The following TBC1D12 variants were observed in gnomAD, a reference collection of about 807,000 sequenced individuals.
The protein encoded by TBC1D12 is TBC1 domain family member 12.
A neutral mutation model predicts 86.7 loss-of-function variants in TBC1D12; 56 were observed. The ratio of observed to expected loss-of-function variants is 0.65; its 90% confidence interval spans 0.52 to 0.81. TBC1D12 has a LOEUF of 0.81. Ranked by LOEUF, TBC1D12 falls within the 30% of genes least tolerant of loss-of-function variation. The pLI is 0.00. For synonymous variants in TBC1D12, 421 were observed against 411.7 expected (o/e 1.02, Z -0.27); for missense variants, 1,023 against 1,038.8 (o/e 0.98, Z 0.21).
chr10:94,457,877 A>G (rs1453541913), intron 2 of TBC1D12, among the ~76,000 whole-genome samples: 2 of 152,140 alleles, frequency 1.3e-5, no homozygotes, highest in East Asian at 1.9e-4. Context: ...TTCAGGCAAC[A>G]CTATACCTGA....
chr10:94,406,673 A>G (rs1430994540), intron 1 of TBC1D12, among the ~76,000 whole-genome samples: 2 of 152,174 alleles, frequency 1.3e-5, no homozygotes, highest in Non-Finnish European at 2.9e-5. Flanking sequence ...CTGTCTCACA[A>G]CACAACCCAA....
intron 1 of TBC1D12, among the ~76,000 whole-genome samples, chr10:94,438,547 A>G (rs1178212339): frequency 2.0e-5 from 3 of 152,090 alleles, no homozygotes; most frequent in Non-Finnish European, 4.4e-5. Context: ...CATGATCCCT[A>G]CTGTCCCTCC....
At chr10:94,532,955 CTATAGT>C in intron 12 of TBC1D12, 67 bp from the exon 13 acceptor site, 2 of 839,126 alleles carry the variant, frequency 2.4e-6, no homozygotes, top group Non-Finnish European at 3.7e-6. Flanking sequence ...TGTTTATGAA[CTATAGT>C]TATTTAAATC....
intron 4 of TBC1D12, among the ~76,000 whole-genome samples, chr10:94,496,128 T>A (rs1462929115): frequency 1.3e-5 from 2 of 151,636 alleles, no homozygotes; most frequent in Admixed American, 6.6e-5. Context: ...AAAGTAGAGA[T>A]TGTTTACTTG....
chr10:94,506,349 A>T (rs911579023), intron 6 of TBC1D12, among the ~76,000 whole-genome samples: 5 of 152,170 alleles, frequency 3.3e-5, no homozygotes, highest in African/African-American at 1.2e-4. Context: ...TACTTTTTGA[A>T]ATTTTTTAAA....
intron 1 of TBC1D12, among the ~76,000 whole-genome samples, chr10:94,411,839 C>G (rs2054932017): frequency 6.6e-6 from 1 of 152,108 alleles, no homozygotes; most frequent in African/African-American, 2.4e-5. Flanking sequence ...GCACCTGTAG[C>G]CACAGTTACT....
intron 5 of TBC1D12, among the ~76,000 whole-genome samples, chr10:94,499,952 T>C (rs931565642): frequency 1.3e-5 from 2 of 152,234 alleles, no homozygotes; most frequent in African/African-American, 4.8e-5. Flanking sequence ...TTTTAAATAA[T>C]TGACTGCATA....
chr10:94,403,368 C>A lies in TBC1D12; in HGVS notation c.755C>A (p.Ser252Ter), dbSNP rs2054798760. 1 of 1,530,256 alleles carries A rather than the reference C, an allele frequency of 6.5e-7. No homozygotes were observed. Among genetic ancestry groups the A allele is most frequent in the Non-Finnish European group, 8.8e-7 (1 of 1,139,228 alleles). The allele number at this position is 1,530,256 out of a possible 1,614,324, so 94.8% of individuals were successfully genotyped here. ...GPEEGAPPAT[S>*]AERTNGGAEP... ...GAGGAGGGCGCGCCCCCTGCCACCTCGGCCGAGAGGACTAATGGGGGTGCG... is the reference window on the plus strand; with the variant it reads ...GAGGAGGGCGCGCCCCCTGCCACCTAGGCCGAGAGGACTAATGGGGGTGCG... Residue 252 changes from serine (S) to a stop codon, truncating the protein, a stop_gained, in exon 1 of 13, where the codon TCG (serine) becomes TAG (stop). Transcript: ENST00000225235. LOFTEE classifies it high-confidence loss of function.
chr10:94,454,447 G>T (rs889258307), intron 2 of TBC1D12, among the ~76,000 whole-genome samples: 11 of 152,108 alleles, frequency 7.2e-5, no homozygotes, highest in Non-Finnish European at 1.5e-4. Flanking sequence ...CTGACCTCAG[G>T]TTATCCACCC....
At chr10:94,429,246 A>G (rs761525789) in intron 1 of TBC1D12, among the ~76,000 whole-genome samples, 4 of 152,004 alleles carry the variant, frequency 2.6e-5, no homozygotes, top group Non-Finnish European at 4.4e-5. Context: ...ATCTCAGAAA[A>G]TATCTGGTTA....
intron 1 of TBC1D12, among the ~76,000 whole-genome samples, chr10:94,426,349 T>C (rs2055146590): frequency 6.6e-6 from 1 of 152,178 alleles, no homozygotes; most frequent in African/African-American, 2.4e-5. Context: ...ATTAAGCTAA[T>C]GAACTTCCCT....
rs1421069244 is a variant in TBC1D12 at position 94,527,661 on chromosome 10, C to T, written c.2001-3541C>T. ...CAAGACTAATGTCCTGAAGCATTTC[C>T]CCTATGTTTTCTTCTGATAGTTTTA... On this transcript the variant is annotated intron_variant, in intron 11 of 12. Transcript: ENST00000225235. 2.4e-4 allele frequency among the ~76,000 whole-genome samples: 37 copies of T among 152,032 alleles called. 1 individual carries two copies. Among genetic ancestry groups the T allele is most frequent in the Non-Finnish European group, 2.1e-4 (14 of 68,008 alleles).
At chr10:94,454,314 C>G (rs1457101025) in intron 2 of TBC1D12, among the ~76,000 whole-genome samples, 2 of 152,152 alleles carry the variant, frequency 1.3e-5, no homozygotes, top group South Asian at 2.1e-4. Flanking sequence ...CAGGTTCGAG[C>G]GATTCTCCTG....
chr10:94,446,810 G>A (rs1267270710), intron 2 of TBC1D12, among the ~76,000 whole-genome samples: 2 of 152,012 alleles, frequency 1.3e-5, no homozygotes, highest in African/African-American at 2.4e-5. Context: ...TGCTGGGTGC[G>A]GTGGCTCACA....
chr10:94,502,685 C>G (rs2056413704), intron 6 of TBC1D12, among the ~76,000 whole-genome samples: 1 of 152,142 alleles, frequency 6.6e-6, no homozygotes, highest in Admixed American at 6.5e-5. Flanking sequence ...GAGTGAGACC[C>G]TGTCTCTAAA....
In TBC1D12 at chr10:94,535,089, T is replaced by G. The variant is rs1448007624; in HGVS notation, c.*1993T>G. 4 of 152,150 alleles carry G rather than the reference T, an allele frequency of 2.6e-5. No individual in the cohort carries two copies. Among genetic ancestry groups the G allele is most frequent in the Non-Finnish European group, 5.9e-5 (4 of 68,038 alleles). The allele number at this position is 152,150 out of a possible 1,614,324, so 9.4% of individuals were successfully genotyped here. A position where few individuals can be genotyped will look rare whatever the true frequency, so the allele number is the denominator to read the frequency against. On this transcript the variant is annotated 3_prime_UTR_variant, in exon 13 of 13. Transcript: ENST00000225235. The stretch of plus-strand genomic sequence containing the variant: ...GTACCATATCATAGAATTAGTTAAA[T>G]GTAGTCAACAGCAATGTCAGAACAA...
At chr10:94,451,754 T>G (rs2055552351) in intron 2 of TBC1D12, among the ~76,000 whole-genome samples, 1 of 152,120 alleles carries the variant, frequency 6.6e-6, no homozygotes, top group East Asian at 1.9e-4. Flanking sequence ...GCTTGAGTAC[T>G]GGATGTGAAA....
chr10:94,469,808 C>A (rs1564962830), intron 2 of TBC1D12, among the ~76,000 whole-genome samples: 1 of 152,162 alleles, frequency 6.6e-6, no homozygotes, highest in Non-Finnish European at 1.5e-5. Context: ...AAAATTCTAG[C>A]CCTTTGGCCT....
intron 6 of TBC1D12, among the ~76,000 whole-genome samples, chr10:94,502,186 G>C (rs1340968466): frequency 6.6e-6 from 1 of 151,848 alleles, no homozygotes; most frequent in South Asian, 2.1e-4. Context: ...TACAAAATTA[G>C]CTGGGCGTGG....
Sources: allele counts gnomAD v4.1 joint callset (sites outside exome capture counted in the v4.1 genomes callset), GRCh38; gene constraint gnomAD v4.1.1; transcripts MANE v1.5; gene names NCBI Gene and HGNC (gene_info 2026-07-23, HGNC 2026-07-21).